PRR5L: variants seen among roughly 807,000 people sequenced by gnomAD.
PRR5L encodes the protein proline rich 5 like, also known as proline-rich protein 5-like.
Under a neutral mutation model 36.4 loss-of-function variants are expected in PRR5L, and 21 were observed. The observed-to-expected ratio is 0.58, with a 90% CI of 0.41 to 0.83. PRR5L has a LOEUF of 0.83. PRR5L is among the 40% of genes least tolerant of loss of function. The pLI, the probability that PRR5L is intolerant of heterozygous loss-of-function variation, is 0.00. For missense variants in PRR5L, 381 were observed against 473.3 expected, an observed-to-expected ratio of 0.80 and a Z score of 1.81; for synonymous variants, 188 against 197.0, an observed-to-expected ratio of 0.95 and a Z score of 0.38.
At chr11:36,299,388 A>G (rs1856348963) in intron 1 of PRR5L, among the ~76,000 whole-genome samples, 1 of 151,962 alleles carries the variant, frequency 6.6e-6, no homozygotes, top group Non-Finnish European at 1.5e-5. Flanking sequence ...GAGTGCTCCT[A>G]TTGCTTTCTC....
chr11:36,414,606 A>G (rs1214555004), intron 3 of PRR5L, among the ~76,000 whole-genome samples: 5 of 136,520 alleles, frequency 3.7e-5, no homozygotes, highest in Admixed American at 1.4e-4. Context: ...TAGATTCTGG[A>G]TATTAGCCCT....
intron 6 of PRR5L, among the ~76,000 whole-genome samples, chr11:36,438,697 T>C (rs1028652430): frequency 6.6e-6 from 1 of 152,006 alleles, no homozygotes; most frequent in African/African-American, 2.4e-5. Flanking sequence ...CACAGCACTT[T>C]GGGAGGCTGA....
intron 1 of PRR5L, among the ~76,000 whole-genome samples, chr11:36,320,213 C>T (rs887433050): frequency 7.1e-6 from 1 of 140,640 alleles, no homozygotes; most frequent in African/African-American, 2.6e-5. Flanking sequence ...TCTTCAAGAA[C>T]AAAAAGAAGG....
chr11:36,351,611 T>TATATATTTATATATTTATATAAA (rs1856965214), intron 1 of PRR5L, among the ~76,000 whole-genome samples: 1 of 17,316 alleles, frequency 5.8e-5, no homozygotes, highest in Non-Finnish European at 7.8e-5. Context: ...AAATATATAT[T>TATATATTTATATATTTATATAAA]TATATATTTA....
chr11:36,325,112 G>A (rs930216618), intron 1 of PRR5L, among the ~76,000 whole-genome samples: 1 of 152,170 alleles, frequency 6.6e-6, no homozygotes, highest in African/African-American at 2.4e-5. Flanking sequence ...GGATTCCAAA[G>A]AATGGAATCT....
At chr11:36,376,537 G>T in intron 1 of PRR5L, 1 of 1,013,676 alleles carries the variant, frequency 9.9e-7, no homozygotes. Flanking sequence ...GGGAGGGAGA[G>T]CTGGGCAGAG....
chr11:36,368,022 G>C (rs1356716711), intron 1 of PRR5L, among the ~76,000 whole-genome samples: 1 of 152,050 alleles, frequency 6.6e-6, no homozygotes, highest in Non-Finnish European at 1.5e-5. Flanking sequence ...TGTTAAGAGA[G>C]TGGGAGTGGG....
intron 1 of PRR5L, among the ~76,000 whole-genome samples, chr11:36,301,379 G>A (rs1856374772): frequency 6.6e-6 from 1 of 152,214 alleles, no homozygotes; most frequent in Admixed American, 6.5e-5. Context: ...TCAAGGCTCA[G>A]GGAGAGGGGT....
chr11:36,331,650 T>A (rs1294488776), intron 1 of PRR5L, among the ~76,000 whole-genome samples: 1 of 152,228 alleles, frequency 6.6e-6, no homozygotes. Flanking sequence ...TAGTTTAGCA[T>A]TGAAATGCTA....
chr11:36,446,210 T>C lies in PRR5L; in HGVS notation c.445-90T>C, dbSNP rs1249367277. 1.4e-5 allele frequency: 21 copies of C among 1,448,654 alleles called. No homozygotes were observed. In the East Asian group the frequency reaches 4.2e-4, roughly 29 times the overall value. 89.7% of individuals were successfully genotyped at this position (1,448,654 alleles called of 1,614,324 possible). A position where few individuals can be genotyped will look rare whatever the true frequency, so the allele number is the denominator to read the frequency against. The stretch of plus-strand genomic sequence containing the variant: ...ACGCCTCATCCCATCTTTGGTGCTA[T>C]ATAAACATGTGTTGTCTTGAACCCC... On this transcript the variant is annotated intron_variant, in intron 6 of 8. Transcript: ENST00000530639.
At chr11:36,400,947 A>T in intron 1 of PRR5L, 50 bp from the exon 2 acceptor site, 1 of 1,365,706 alleles carries the variant, frequency 7.3e-7, no homozygotes, top group South Asian at 1.8e-5. Context: ...TTCCTCTAAG[A>T]GGTGTTCTCA....
intron 1 of PRR5L, chr11:36,349,978 G>A (rs1158894346): frequency 6.6e-6 from 1 of 152,106 alleles, no homozygotes; most frequent in East Asian, 1.9e-4. Flanking sequence ...AGGATGAGAA[G>A]CTCTTCTACA....
At chr11:36,432,468 G>A (rs1293379942) in intron 5 of PRR5L, among the ~76,000 whole-genome samples, 1 of 152,208 alleles carries the variant, frequency 6.6e-6, no homozygotes, top group East Asian at 1.9e-4. Context: ...AATGGAGATA[G>A]AAACAGGTTC....
intron 1 of PRR5L, among the ~76,000 whole-genome samples, chr11:36,335,954 A>G: frequency 6.6e-6 from 1 of 152,236 alleles, no homozygotes; most frequent in East Asian, 1.9e-4. Flanking sequence ...GCCGCAGAAC[A>G]TAGTCAAAGG....
chr11:36,430,285 G>A (rs568263485), intron 4 of PRR5L, among the ~76,000 whole-genome samples: 1 of 152,216 alleles, frequency 6.6e-6, no homozygotes, highest in African/African-American at 2.4e-5. Context: ...GGTGGCTGGT[G>A]CCTGTAATCC....
chr11:36,446,294 C>T lies in PRR5L; in HGVS notation c.445-6C>T. ...CTCCCGGCCCTCTCTCCTCTGTCCC[C>T]TCTAGGGCCAGGAGCTGACTATCCG... On this transcript the variant is annotated splice_polypyrimidine_tract_variant and splice_region_variant and intron_variant, in intron 6 of 8. Transcript: ENST00000530639. 1.2e-6 allele frequency: 2 copies of T among 1,613,262 alleles called. No homozygotes were observed. The highest frequency in any genetic ancestry group is 1.1e-5 in the South Asian group (1 of 91,070).
intron 1 of PRR5L, among the ~76,000 whole-genome samples, chr11:36,331,190 C>T (rs1590448755): frequency 6.6e-6 from 1 of 152,082 alleles, no homozygotes; most frequent in African/African-American, 2.4e-5. Flanking sequence ...AACATAGAGA[C>T]AGTTAAGAAT....
intron 1 of PRR5L, chr11:36,323,234 G>C (rs1856629928): frequency 6.6e-6 from 1 of 152,274 alleles, no homozygotes; most frequent in East Asian, 1.9e-4. Flanking sequence ...AAAACAAAGA[G>C]ATAAAGAGTG....
chr11:36,335,626 A>G (rs1010071796), intron 1 of PRR5L, among the ~76,000 whole-genome samples: 12 of 152,172 alleles, frequency 7.9e-5, no homozygotes, highest in Admixed American at 7.2e-4. Context: ...GGCTCTATTG[A>G]TCTACTCAAG....
Sources: gnomAD v4.1 joint callset for allele counts (sites outside exome capture counted in the v4.1 genomes callset) on GRCh38, gnomAD v4.1.1 for gene constraint, MANE v1.5 for transcripts, NCBI Gene and HGNC (gene_info 2026-07-23, HGNC 2026-07-21) for gene names.